The following AADACL4 variants were observed in gnomAD, a reference collection of about 807,000 sequenced individuals.
AADACL4 encodes the protein arylacetamide deacetylase-like 4.
Under a neutral mutation model 14.1 loss-of-function variants are expected in AADACL4, and 9 were observed. That is an observed-to-expected ratio of 0.64 (90% CI 0.39 to 1.12). The LOEUF is 1.12. Among genes scored for constraint, AADACL4 ranks in the 50% most tolerant of loss-of-function variants. AADACL4 has a pLI of 0.01. For synonymous variants in AADACL4, 188 were observed against 201.6 expected (o/e 0.93, Z 0.57); for missense variants, 531 against 516.1 (o/e 1.03, Z -0.28).
chr1:12,651,804 G>T (rs1647149882), intron 2 of AADACL4, among the ~76,000 whole-genome samples: 1 of 150,606 alleles, frequency 6.6e-6, no homozygotes, highest in Non-Finnish European at 1.5e-5. Flanking sequence ...CCTCATATCT[G>T]GTCCCCATCC....
In AADACL4 at chr1:12,666,720, T is replaced by C. The variant is rs1647346544; in HGVS notation, c.1209T>C (p.Tyr403=). 1.2e-6 allele frequency: 2 copies of C among 1,609,352 alleles called. No individual in the cohort carries two copies. The highest frequency in any genetic ancestry group is 2.2e-5 in the East Asian group (1 of 44,868). ...SLKIVNAVVS[Y]IKGI ...AGATTGTGAATGCTGTAGTCAGTTA[T>C]ATAAAGGGCATATGATAGTAACCCT... Residue 403 remains tyrosine (Y), a synonymous_variant, in exon 4 of 4, where the codon TAT becomes TAC. Coordinates refer to ENST00000376221, the MANE Select transcript of AADACL4 (RefSeq NM_001013630.2).
intron 3 of AADACL4, 84 bp downstream of exon 3, chr1:12,661,938 G>A: frequency 1.4e-6 from 2 of 1,444,138 alleles, no homozygotes; most frequent in East Asian, 4.6e-5. Context: ...GATCAGAGAG[G>A]CCCTAACTCC....
intron 3 of AADACL4, among the ~76,000 whole-genome samples, chr1:12,662,782 G>A (rs1009289938): frequency 1.9e-4 from 29 of 152,126 alleles, no homozygotes; most frequent in African/African-American, 5.8e-4. Context: ...AACATCTCTG[G>A]TCCTCTCTGA....
rs185059004 is a variant in AADACL4, at chr1:12,666,670, G to A, written c.1159G>A (p.Ala387Thr). ...HGSIIFFDKK[A>T]LSFPCSLKIV... is the part of the protein sequence containing the mutation. ...ATCCATTATCTTTTTTGATAAGAAG[G>A]CTCTCTCTTTCCCATGTTCCCTGAA... Residue 387 changes from alanine (A) to threonine (T), a missense_variant, in exon 4 of 4, where the codon GCT becomes ACT. Transcript: ENST00000376221. The A allele has an allele frequency of 1.9e-6, 3 of 1,613,956 alleles. No individual in the cohort carries two copies. Among genetic ancestry groups the A allele is most frequent in the Non-Finnish European group, 2.5e-6 (3 of 1,180,010 alleles).
In AADACL4 at chr1:12,666,865, GAAGT is replaced by G; in HGVS notation, c.*134_*137del. ...TGCTTGGGGCAGCTGGGAAGGGTGA[GAAGT>G]AAGCTAACAGTCTTGCTTAGTATTC... On this transcript the variant is annotated 3_prime_UTR_variant, in exon 4 of 4. Transcript: ENST00000376221. 1 of 962,808 alleles carries G rather than the reference GAAGT, an allele frequency of 1.0e-6. No individual in the cohort carries two copies. The highest frequency in any genetic ancestry group is 2.6e-5 in the Admixed American group (1 of 38,604). The allele number at this position is 962,808 out of a possible 1,614,324, so 59.6% of individuals were successfully genotyped here.
At position 12,666,071 on chromosome 1, in the gene AADACL4, T is replaced by C; in HGVS notation, c.560T>C (p.Val187Ala). ...LETYGVDPSR[V>A]VVCGESVGGA... ...ACCTATGGGGTGGACCCCTCCAGGG[T>C]TGTGGTCTGTGGAGAAAGCGTCGGA... Residue 187 changes from valine (V) to alanine (A), a missense_variant, in exon 4 of 4, where the codon GTT becomes GCT. Physicochemically the swap from Val to Ala is moderately conservative, Grantham distance 64. Coordinates refer to ENST00000376221, the MANE Select transcript of AADACL4 (RefSeq NM_001013630.2). 6.2e-7 allele frequency: 1 copy of C among 1,614,170 alleles called. No homozygotes were observed. The highest frequency in any genetic ancestry group is 2.2e-5 in the East Asian group (1 of 44,882).
At chr1:12,647,090 A>ATTTT (rs201579516) in intron 1 of AADACL4, among the ~76,000 whole-genome samples, 4 of 128,782 alleles carry the variant, frequency 3.1e-5, no homozygotes, top group Non-Finnish European at 3.3e-5. Context: ...AAAAGTGAGG[A>ATTTT]TTTTTTTTTT....
At chr1:12,659,745 T>C (rs1420786463) in intron 2 of AADACL4, among the ~76,000 whole-genome samples, 3 of 152,186 alleles carry the variant, frequency 2.0e-5, no homozygotes, top group African/African-American at 7.2e-5. Context: ...TGGGTTCAAG[T>C]GATCCTCCTG....
rs369014106 is a variant in AADACL4 at position 12,666,499 on chromosome 1, G to C, written c.988G>C (p.Asp330His). 1 of 1,614,076 alleles carries C rather than the reference G, an allele frequency of 6.2e-7. No homozygotes were observed. ...AGAAAATTCACCCCTGATAGCAGATGATGAGGTCATCGCTCAGCTTCCTGA... is the reference window on the plus strand; with the variant it reads ...AGAAAATTCACCCCTGATAGCAGATCATGAGGTCATCGCTCAGCTTCCTGA... ...DVENSPLIAD[D>H]EVIAQLPEAF... is the part of the protein sequence containing the mutation. Residue 330 changes from aspartate (D) to histidine (H), a missense_variant, in exon 4 of 4, where the codon GAT becomes CAT. By Grantham distance (81) the Asp-to-His change is moderately conservative. Coordinates refer to ENST00000376221, the MANE Select transcript of AADACL4 (RefSeq NM_001013630.2).
rs1333691741 is a variant in AADACL4 at position 12,666,316 on chromosome 1, A to G, written c.805A>G (p.Asn269Asp). Residue 269 changes from asparagine to aspartate, a missense_variant, in exon 4 of 4, where the codon AAC (asparagine) becomes GAC (aspartate). Asn to Asp is a conservative substitution (Grantham distance 23). Transcript: ENST00000376221. ...CCTCTCCTGGCGTGACGCCATCTTG[A>G]ACGGCACTTGTGTACCCCCAGACGT... ...IDLSWRDAIL[N>D]GTCVPPDVWR... is the part of the protein sequence containing the mutation. 1 of 1,614,170 alleles carries G rather than the reference A, an allele frequency of 6.2e-7. No individual in the cohort carries two copies. Among genetic ancestry groups the G allele is most frequent in the Admixed American group, 1.7e-5 (1 of 60,032 alleles).
chr1:12,665,746 C>A (rs1304868266), intron 3 of AADACL4, among the ~76,000 whole-genome samples: 4 of 152,086 alleles, frequency 2.6e-5, no homozygotes, highest in Non-Finnish European at 4.4e-5. Flanking sequence ...GCTGACAGAG[C>A]ACAGGTTTGG....
At chr1:12,661,907 T>A (rs1647235184) in intron 3 of AADACL4, 53 bp downstream of exon 3, 3 of 1,565,880 alleles carry the variant, frequency 1.9e-6, no homozygotes. Flanking sequence ...GGAGATAGGG[T>A]AAGTTCATGG....
At chr1:12,657,066 C>T (rs1188384656) in intron 2 of AADACL4, among the ~76,000 whole-genome samples, 1 of 148,888 alleles carries the variant, frequency 6.7e-6, no homozygotes, top group Non-Finnish European at 1.5e-5. Context: ...TTGTTTGAGC[C>T]CGGGAGGCAG....
intron 2 of AADACL4, among the ~76,000 whole-genome samples, chr1:12,653,297 C>A (rs1296270284): frequency 6.6e-6 from 1 of 152,090 alleles, no homozygotes; most frequent in Admixed American, 6.5e-5. Flanking sequence ...AGGCAAAAAC[C>A]ATTTGCGTCA....
chr1:12,662,288 A>G (rs930320376), intron 3 of AADACL4, among the ~76,000 whole-genome samples: 6 of 152,254 alleles, frequency 3.9e-5, no homozygotes, highest in African/African-American at 1.4e-4. Context: ...TAGACGTAAC[A>G]AGACAATGTA....
At position 12,644,247 on chromosome 1, in the gene AADACL4, G is replaced by A. The variant is rs891050996; in HGVS notation, c.-300G>A. 2.0e-5 allele frequency among the ~76,000 whole-genome samples: 3 copies of A among 152,188 alleles called. No homozygotes were observed. The highest frequency in any genetic ancestry group is 2.9e-5 in the Non-Finnish European group (2 of 68,032). On this transcript the variant is annotated 5_prime_UTR_variant, in exon 1 of 4. In the 5' UTR this introduces an upstream ATG that the reference lacks. Coordinates refer to ENST00000376221, the MANE Select transcript of AADACL4 (RefSeq NM_001013630.2). The stretch of plus-strand genomic sequence containing the variant: ...CTTTCTAGGGTTCCCAGGAGCCGAG[G>A]TGCCCATCTGAGCCTGATCTTCCTG...
chr1:12,663,157 A>T (rs1384847677), intron 3 of AADACL4, among the ~76,000 whole-genome samples: 5 of 152,146 alleles, frequency 3.3e-5, no homozygotes, highest in Non-Finnish European at 7.4e-5. Context: ...TAAGGCCTGG[A>T]TGGGACTCCC....
intron 1 of AADACL4, among the ~76,000 whole-genome samples, chr1:12,646,171 T>G (rs569353216): frequency 2.8e-4 from 43 of 152,172 alleles, no homozygotes; most frequent in African/African-American, 1.0e-3. Flanking sequence ...TGGAGGAGGA[T>G]GAGGAGGCCA....
Position 12,651,110 on chromosome 1 carries a change from T to C in AADACL4, c.169-13T>C. The C allele has an allele frequency of 6.2e-7, 1 of 1,612,552 alleles. No homozygotes were observed. Among genetic ancestry groups the C allele is most frequent in the South Asian group, 1.1e-5 (1 of 91,046 alleles). On this transcript the variant is annotated splice_polypyrimidine_tract_variant and intron_variant, in intron 1 of 3. Transcript: ENST00000376221. The stretch of plus-strand genomic sequence containing the variant: ...TCTCCTAACGTCTGGCTTTCTTTTG[T>C]TACCTCCAACAGGGGAATATATTTG...
Sources: allele counts gnomAD v4.1 joint callset (sites outside exome capture counted in the v4.1 genomes callset), GRCh38; gene constraint gnomAD v4.1.1; transcripts MANE v1.5; gene names NCBI Gene and HGNC (gene_info 2026-07-23, HGNC 2026-07-21).